Variants in CDK11B observed in about 807,000 individuals in gnomAD.
The protein encoded by CDK11B is cyclin dependent kinase 11B, also known as cyclin-dependent kinase 11B.
Under a neutral mutation model 84.0 loss-of-function variants are expected in CDK11B, and 37 were observed. That is an observed-to-expected ratio of 0.44 (90% CI 0.34 to 0.58). The LOEUF is 0.58. Among genes scored for constraint, CDK11B ranks in the 20% least tolerant of loss-of-function variants. CDK11B has a pLI of 0.02. For synonymous variants in CDK11B, 269 were observed against 309.8 expected, an observed-to-expected ratio of 0.87 and a Z score of 1.38; for missense variants, 427 against 834.0, an observed-to-expected ratio of 0.51 and a Z score of 6.01.
intron 11 of CDK11B, among the ~76,000 whole-genome samples, chr1:1,639,648 C>T (rs1639954345): frequency 6.6e-6 from 1 of 151,820 alleles, no homozygotes; most frequent in South Asian, 2.1e-4. Flanking sequence ...GAGGCGCTCA[C>T]AAGGCATAGG....
chr1:1,654,975 C>T (rs1303926701), intron 3 of CDK11B, among the ~76,000 whole-genome samples: 1 of 151,970 alleles, frequency 6.6e-6, no homozygotes, highest in Non-Finnish European at 1.5e-5. Context: ...CCTTTTAAGA[C>T]GGGGTTTCAC....
At chr1:1,650,442 T>C (rs1338688653) in intron 4 of CDK11B, among the ~76,000 whole-genome samples, 32 of 145,708 alleles carry the variant, frequency 2.2e-4, no homozygotes, top group African/African-American at 7.4e-4. Context: ...CTCGGCTCAC[T>C]GCAAGCTCCG....
In CDK11B at chr1:1,641,236, C is replaced by T. The variant is rs1466626412; in HGVS notation, c.1010-123G>A. On this transcript the variant is annotated intron_variant, in intron 9 of 19. Coordinates refer to ENST00000341832, the MANE Select transcript of CDK11B (RefSeq NM_033486.3). ...CAAGAATGGATATGCAGGCCGGGCG[C>T]GGTGGCTCACGCCTGTAATCCCAGC... 108 of 1,498,534 alleles carry T rather than the reference C, an allele frequency of 7.2e-5. 1 individual carries two copies. The South Asian group carries it at 7.3e-4, about 10-fold the overall frequency. The allele number at this position is 1,498,534 out of a possible 1,614,324, so 92.8% of individuals were successfully genotyped here.
At chr1:1,650,571 T>C (rs1195609645) in intron 4 of CDK11B, among the ~76,000 whole-genome samples, 9 of 151,144 alleles carry the variant, frequency 6.0e-5, no homozygotes, top group African/African-American at 1.9e-4. Context: ...TCCACCATGT[T>C]AGCCAGGATG....
chr1:1,654,950 G>A (rs1192656837), intron 3 of CDK11B, among the ~76,000 whole-genome samples: 8 of 152,000 alleles, frequency 5.3e-5, no homozygotes, highest in South Asian at 2.1e-4. Flanking sequence ...GAGCCACCGC[G>A]CCCGGCCTTT....
intron 11 of CDK11B, among the ~76,000 whole-genome samples, chr1:1,639,475 C>G (rs1158730944): frequency 6.6e-6 from 1 of 151,918 alleles, no homozygotes; most frequent in Non-Finnish European, 1.5e-5. Flanking sequence ...CCTGCTTGTA[C>G]CAGGATGACA....
At chr1:1,655,930 C>G (rs1468760663) in intron 2 of CDK11B, among the ~76,000 whole-genome samples, 1 of 152,152 alleles carries the variant, frequency 6.6e-6, no homozygotes, top group Non-Finnish European at 1.5e-5. Flanking sequence ...AATCTTATCA[C>G]ATTAAAATTA....
chr1:1,653,665 A>G (rs917869549), intron 3 of CDK11B, among the ~76,000 whole-genome samples: 3 of 151,868 alleles, frequency 2.0e-5, no homozygotes, highest in African/African-American at 7.3e-5. Context: ...TATGTTATTT[A>G]TTCCCCAATA....
In CDK11B at chr1:1,649,459, A is replaced by G. The variant is rs1423491991; in HGVS notation, c.494+40T>C. On this transcript the variant is annotated intron_variant, in intron 5 of 19. Coordinates refer to ENST00000341832, the MANE Select transcript of CDK11B (RefSeq NM_033486.3). ...TTTCTAGGATGGGACACACTACCACAGCCCTTTTATAAAGTCCTCAACTGA... is the reference window on the plus strand; with the variant it reads ...TTTCTAGGATGGGACACACTACCACGGCCCTTTTATAAAGTCCTCAACTGA... 629 of 1,409,678 alleles carry G rather than the reference A, an allele frequency of 4.5e-4. 4 individuals are homozygous for G. In the African/African-American group the frequency reaches 7.4e-3, roughly 17 times the overall value. 87.3% of individuals were successfully genotyped at this position (1,409,678 alleles called of 1,614,324 possible).
chr1:1,646,649 C>A (rs1570140399), intron 5 of CDK11B: 3 of 518,048 alleles, frequency 5.8e-6, no homozygotes, highest in East Asian at 1.1e-4. Flanking sequence ...CGTCTGGTGT[C>A]ATTTCTATTC....
intron 10 of CDK11B, among the ~76,000 whole-genome samples, chr1:1,640,802 C>T (rs1162285747): frequency 6.6e-6 from 1 of 152,204 alleles, no homozygotes; most frequent in Non-Finnish European, 1.5e-5. Context: ...CGGGCCTCCC[C>T]TGTGGGGAAC....
intron 3 of CDK11B, among the ~76,000 whole-genome samples, chr1:1,654,835 T>C (rs1642515200): frequency 6.6e-6 from 1 of 151,828 alleles, no homozygotes; most frequent in Admixed American, 6.6e-5. Flanking sequence ...ATTTTCTGTA[T>C]TTTTAGTAGA....
intron 5 of CDK11B, chr1:1,646,285 A>C (rs1257330387): frequency 2.5e-6 from 1 of 407,522 alleles, no homozygotes; most frequent in Non-Finnish European, 4.8e-6. Context: ...TGTCTTTTTT[A>C]TTCTTCCCTT....
intron 4 of CDK11B, among the ~76,000 whole-genome samples, chr1:1,651,345 C>T (rs1263148113): frequency 2.3e-4 from 35 of 151,630 alleles, no homozygotes; most frequent in African/African-American, 6.0e-4. Context: ...GACACACGCA[C>T]GCTTTCAGCT....
At chr1:1,638,711 G>C in intron 11 of CDK11B, 121 bp from the exon 12 acceptor site, 1 of 1,036,308 alleles carries the variant, frequency 9.6e-7, no homozygotes, top group Non-Finnish European at 1.5e-6. Context: ...TTGGGACTGG[G>C]CCGGGGGTGG....
In CDK11B at chr1:1,651,871, T is replaced by C. The variant is rs1229015708; in HGVS notation, c.355+568A>G. ...TAGAGTTTGCTCTGTATAGCCCTTC[T>C]GAATGGTCTGTGACACATGCATGCT... is the stretch of plus-strand genomic sequence containing the variant. On this transcript the variant is annotated intron_variant, in intron 4 of 19. Coordinates refer to ENST00000341832, the MANE Select transcript of CDK11B (RefSeq NM_033486.3). Among the ~76,000 whole-genome samples the C allele has an allele frequency of 3.3e-5, 5 of 150,898 alleles. No homozygotes were observed. In the East Asian group the frequency reaches 7.8e-4, roughly 24 times the overall value.
In CDK11B at chr1:1,637,238, G is replaced by A. The variant is rs376348423; in HGVS notation, c.1571-36C>T. ...GGGAAGCTCCCATGTGGACCTGGCT[G>A]CCCCCAGCCCAGGGCACTCAGGGTG... On this transcript the variant is annotated intron_variant, in intron 14 of 19. Transcript: ENST00000341832. The A allele has an allele frequency of 1.4e-5, 22 of 1,609,010 alleles. No homozygotes were observed. The East Asian group carries it at 3.1e-4, about 23-fold the overall frequency.
intron 5 of CDK11B, chr1:1,647,066 TTCCTC>T (rs1278237971): frequency 2.3e-6 from 1 of 443,756 alleles, no homozygotes; most frequent in African/African-American, 2.0e-5. Flanking sequence ...ACAAATATCT[TTCCTC>T]TCTCCTGGAA....
Position 1,637,823 on chromosome 1 carries a change from G to A in CDK11B, c.1403C>T (p.Thr468Met), listed in dbSNP as rs1482647669. 4 of 1,613,626 alleles carry A rather than the reference G, an allele frequency of 2.5e-6. No individual in the cohort carries two copies. Among genetic ancestry groups the A allele is most frequent in the Non-Finnish European group, 3.4e-6 (4 of 1,179,694 alleles). Reference sequence around the variant, plus strand: ...GATGGTGTTGATCTCCCTCAGCGACGTGATCGGGAAGCCCTCCTTCTCCTT... The same window carrying A: ...GATGGTGTTGATCTCCCTCAGCGACATGATCGGGAAGCCCTCCTTCTCCTT... ...MEKEKEGFPI[T>M]SLREINTILK... Residue 468 changes from threonine (T) to methionine (M), a missense_variant, in exon 13 of 20, where the codon ACG becomes ATG. By Grantham distance (81) the Thr-to-Met change is moderately conservative. Around this residue, in one of 12 missense-constraint regions of CDK11B, gnomAD observed 24 missense variants for 93.2 expected, o/e 0.26. Transcript: ENST00000341832.
Sources: allele counts gnomAD v4.1 joint callset (sites outside exome capture counted in the v4.1 genomes callset), GRCh38; gene constraint gnomAD v4.1.1; regional missense constraint gnomAD v4.1.1; transcripts MANE v1.5; gene names NCBI Gene and HGNC (gene_info 2026-07-23, HGNC 2026-07-21).